PIEZO2: variants seen among roughly 807,000 people sequenced by gnomAD.
PIEZO2 encodes piezo type mechanosensitive ion channel component 2.
PIEZO2 carries 172 observed loss-of-function variants against 337.3 expected under a neutral mutation model. That is an observed-to-expected ratio of 0.51 (90% confidence interval 0.45 to 0.58). PIEZO2 has a LOEUF of 0.58. PIEZO2 is among the 20% of genes least tolerant of loss of function. PIEZO2 has a pLI of 0.00. For missense variants in PIEZO2, 3,028 were observed against 3,391.3 expected, an observed-to-expected ratio of 0.89 and a Z score of 2.66; for synonymous variants, 1,251 against 1,228.5, an observed-to-expected ratio of 1.02 and a Z score of -0.38.
chr18:10,970,095 GT>G (rs1237289125), intron 3 of PIEZO2, among the ~76,000 whole-genome samples: 2 of 152,164 alleles, frequency 1.3e-5, no homozygotes, highest in East Asian at 3.8e-4. Context: ...AACATTAAAA[GT>G]TTAATGACTG....
intron 52 of PIEZO2, among the ~76,000 whole-genome samples, chr18:10,678,078 A>G (rs2143459036): frequency 6.6e-6 from 1 of 152,340 alleles, no homozygotes; most frequent in Middle Eastern, 3.4e-3. Flanking sequence ...AGGAGGCCAC[A>G]AACACTTTTA....
At position 11,001,273 on chromosome 18, in the gene PIEZO2, TG is replaced by T. The variant is rs1472553979; in HGVS notation, c.161-21614del. The stretch of plus-strand genomic sequence containing the variant: ...ATGGCTTATGGTGGATTTTTATGCA[TG>T]GGTCATCTGGCCACGATTTCCTCAG... On this transcript the variant is annotated intron_variant, in intron 2 of 55. Coordinates refer to ENST00000674853, the MANE Select transcript of PIEZO2 (RefSeq NM_001378183.1). This position sits in a 1 kb window ranked among gnomAD's most constrained non-coding sequence, Gnocchi z 5.3. 1.3e-5 allele frequency among the ~76,000 whole-genome samples: 2 copies of T among 152,152 alleles called. No homozygotes were observed. The highest frequency in any genetic ancestry group is 2.9e-5 in the Non-Finnish European group (2 of 68,018).
chr18:11,132,632 C>T lies in PIEZO2; in HGVS notation c.64+15893G>A, dbSNP rs577247138. The stretch of plus-strand genomic sequence containing the variant: ...TTTGCTTCCTGTTCCCGTGACATTA[C>T]GTTCTGCTGGCCTAGAGGTCTTAGT... On this transcript the variant is annotated intron_variant, in intron 1 of 55. Transcript: ENST00000674853. The surrounding 1 kb of genome is among the most constrained non-coding windows in gnomAD (Gnocchi z 4.7). 3.3e-5 allele frequency among the ~76,000 whole-genome samples: 5 copies of T among 152,202 alleles called. No individual in the cohort carries two copies. The highest frequency in any genetic ancestry group is 1.9e-4 in the East Asian group (1 of 5,182).
chr18:11,042,075 A>C (rs1009749090), intron 2 of PIEZO2, among the ~76,000 whole-genome samples: 2 of 152,232 alleles, frequency 1.3e-5, no homozygotes, highest in Non-Finnish European at 2.9e-5. Context: ...GCCTCTCAGC[A>C]GTGTTCTGGG....
intron 2 of PIEZO2, among the ~76,000 whole-genome samples, chr18:11,043,243 G>GCACACA (rs34125787): frequency 3.8e-4 from 56 of 149,332 alleles, no homozygotes; most frequent in African/African-American, 1.3e-3. Context: ...CCCTTTAAAC[G>GCACACA]CACACACACA....
At position 10,830,911 on chromosome 18, in the gene PIEZO2, C is replaced by A. The variant is rs925157746; in HGVS notation, c.918-23637G>T. Among the ~76,000 whole-genome samples the A allele has an allele frequency of 2.6e-5, 4 of 152,118 alleles. No homozygotes were observed. The highest frequency in any genetic ancestry group is 9.7e-5 in the African/African-American group (4 of 41,426). ...GTCTCAAAAGAAGACATACAAATGG[C>A]AAACAGGCATATGCAAAAGTGCTTA... On this transcript the variant is annotated intron_variant, in intron 7 of 55. Coordinates refer to ENST00000674853, the MANE Select transcript of PIEZO2 (RefSeq NM_001378183.1). This position sits in a 1 kb window ranked among gnomAD's most constrained non-coding sequence, Gnocchi z 4.7.
intron 1 of PIEZO2, among the ~76,000 whole-genome samples, chr18:11,084,394 T>C (rs1376433996): frequency 3.9e-5 from 6 of 152,164 alleles, no homozygotes; most frequent in Admixed American, 3.9e-4. Flanking sequence ...AGTACAGTCC[T>C]GTGAAGTACG....
intron 36 of PIEZO2, chr18:10,728,190 A>G (rs1054290760): frequency 2.0e-5 from 3 of 152,674 alleles, no homozygotes; most frequent in Non-Finnish European, 4.4e-5. Context: ...ATCCTTAGAA[A>G]GAAAAATGAT....
rs565620282 is a variant in PIEZO2, at chr18:10,687,434, G to A, written c.7497+2221C>T. Among the ~76,000 whole-genome samples, 7 of 152,178 alleles carry A rather than the reference G, an allele frequency of 4.6e-5. No individual in the cohort carries two copies. The East Asian group carries it at 1.2e-3, about 25-fold the overall frequency. On this transcript the variant is annotated intron_variant, in intron 49 of 55. Coordinates refer to ENST00000674853, the MANE Select transcript of PIEZO2 (RefSeq NM_001378183.1). ...GTTCCGTGATGGTGAGGCATTGTAT[G>A]TTTGGGTCACCACTCTACTCTCATG...
At chr18:10,968,192 T>C (rs2034093481) in intron 3 of PIEZO2, among the ~76,000 whole-genome samples, 1 of 152,198 alleles carries the variant, frequency 6.6e-6, no homozygotes, top group African/African-American at 2.4e-5. Context: ...CCAGCACCAT[T>C]TGTCAAACAG....
rs1381494302 is a variant in PIEZO2, at chr18:10,716,228, A to C, written c.5090-412T>G. Reference sequence around the variant, plus strand: ...CACCTCTGCTGCCTCTGCCACCCCTAATACAGAAAAACCAACCCCTCTTCT... The same window carrying C: ...CACCTCTGCTGCCTCTGCCACCCCTCATACAGAAAAACCAACCCCTCTTCT... On this transcript the variant is annotated intron_variant, in intron 37 of 55. Coordinates refer to ENST00000674853, the MANE Select transcript of PIEZO2 (RefSeq NM_001378183.1). The surrounding 1 kb of genome is among the most constrained non-coding windows in gnomAD (Gnocchi z 4.1). 6.6e-6 allele frequency among the ~76,000 whole-genome samples: 1 copy of C among 152,010 alleles called. No homozygotes were observed. The highest frequency in any genetic ancestry group is 1.5e-5 in the Non-Finnish European group (1 of 67,992).
At chr18:10,972,172 CA>C (rs71169963) in intron 3 of PIEZO2, among the ~76,000 whole-genome samples, 39,584 of 90,376 alleles carry the variant, frequency 0.44, 6,009 homozygotes, top group Non-Finnish European at 0.51. Flanking sequence ...GACTCCGCCT[CA>C]AAAAAAAAAA....
rs912942109 is a variant in PIEZO2, at chr18:10,844,298, T to C, written c.917+11055A>G. Among the ~76,000 whole-genome samples, 3 of 151,914 alleles carry C rather than the reference T, an allele frequency of 2.0e-5. No homozygotes were observed. The South Asian group carries it at 6.2e-4, about 32-fold the overall frequency. The stretch of plus-strand genomic sequence containing the variant: ...AGCCGGGTGTGGTGATACATGCCTG[T>C]AGTCCCAGCTACTTAGGAAGCTGAG... On this transcript the variant is annotated intron_variant, in intron 7 of 55. Coordinates refer to ENST00000674853, the MANE Select transcript of PIEZO2 (RefSeq NM_001378183.1).
intron 3 of PIEZO2, among the ~76,000 whole-genome samples, chr18:10,959,723 C>T (rs963764461): frequency 6.6e-6 from 1 of 152,090 alleles, no homozygotes; most frequent in Non-Finnish European, 1.5e-5. Flanking sequence ...GATTTTCAGA[C>T]CTAGACAAAA....
rs945419006 is a variant in PIEZO2 at position 10,980,993 on chromosome 18, C to T, written c.161-1333G>A. ...GTGTGTGTAAGTGAGAGAGAAGAAA[C>T]TGTCACTTGTGGAGAGTAACTTTAC... On this transcript the variant is annotated intron_variant, in intron 2 of 55. Coordinates refer to ENST00000674853, the MANE Select transcript of PIEZO2 (RefSeq NM_001378183.1). This position sits in a 1 kb window ranked among gnomAD's most constrained non-coding sequence, Gnocchi z 4.8. 6.6e-6 allele frequency among the ~76,000 whole-genome samples: 1 copy of T among 152,180 alleles called. No individual in the cohort carries two copies. Among genetic ancestry groups the T allele is most frequent in the African/African-American group, 2.4e-5 (1 of 41,432 alleles).
At chr18:10,774,218 C>G (rs904369779) in intron 18 of PIEZO2, among the ~76,000 whole-genome samples, 180 bp from the exon 19 acceptor site, 3 of 152,318 alleles carry the variant, frequency 2.0e-5, no homozygotes, top group African/African-American at 7.2e-5. Context: ...GTGCTTTGCT[C>G]TGAACCCTAG....
intron 50 of PIEZO2, among the ~76,000 whole-genome samples, 171 bp from the exon 51 acceptor site, chr18:10,681,924 C>G (rs2034284369): frequency 6.6e-6 from 1 of 150,996 alleles, no homozygotes; most frequent in Admixed American, 6.6e-5. Flanking sequence ...GTGCTCAAGA[C>G]CAAAGGGAAA....
In PIEZO2 at chr18:10,862,186, T is replaced by C. The variant is rs1232965563; in HGVS notation, c.493-4975A>G. Among the ~76,000 whole-genome samples the C allele has an allele frequency of 6.6e-6, 1 of 152,126 alleles. No individual in the cohort carries two copies. Among genetic ancestry groups the C allele is most frequent in the East Asian group, 1.9e-4 (1 of 5,202 alleles). ...ACATGTATCAAAATACCACATTATA[T>C]ACCCCATAAATATATATAATAGTTA... is the stretch of plus-strand genomic sequence containing the variant. On this transcript the variant is annotated intron_variant, in intron 5 of 55. Coordinates refer to ENST00000674853, the MANE Select transcript of PIEZO2 (RefSeq NM_001378183.1). This position sits in a 1 kb window ranked among gnomAD's most constrained non-coding sequence, Gnocchi z 4.4.
At chr18:10,699,613 T>C (rs947091202) in intron 43 of PIEZO2, among the ~76,000 whole-genome samples, 49 of 152,190 alleles carry the variant, frequency 3.2e-4, no homozygotes, top group African/African-American at 1.1e-3. Flanking sequence ...CTCAGGTATG[T>C]CTTTATCAGC....
Sources: gnomAD v4.1 joint callset for allele counts (sites outside exome capture counted in the v4.1 genomes callset) on GRCh38, gnomAD v4.1.1 for gene constraint, Gnocchi (gnomAD v3.1) non-coding constraint, MANE v1.5 for transcripts, NCBI Gene and HGNC (gene_info 2026-07-23, HGNC 2026-07-21) for gene names.